The following PDE4D variants were observed in gnomAD, a reference collection of about 807,000 sequenced individuals.
The protein encoded by PDE4D is phosphodiesterase 4D.
In PDE4D, 24 loss-of-function variants were observed where a neutral mutation model predicts 87.4. The ratio of observed to expected loss-of-function variants is 0.27; its 90% confidence interval spans 0.20 to 0.39. The LOEUF (loss-of-function observed/expected upper bound fraction) is 0.39, where lower values mean the gene tolerates loss of function less well. Ranked by LOEUF, PDE4D falls within the 10% of genes least tolerant of loss-of-function variation. The pLI is 1.00. For synonymous variants in PDE4D, 384 were observed against 383.2 expected, an observed-to-expected ratio of 1.00 and a Z score of -0.02; for missense variants, 714 against 1,041.0, an observed-to-expected ratio of 0.69 and a Z score of 4.32.
intron 5 of PDE4D, among the ~76,000 whole-genome samples, chr5:59,098,450 C>A (rs1434449349): frequency 6.6e-6 from 1 of 151,734 alleles, no homozygotes; most frequent in Non-Finnish European, 1.5e-5. Flanking sequence ...TTAATCCCAG[C>A]ACTTTGGGAA....
At chr5:59,825,398 G>A (rs911679531) in intron 1 of PDE4D, among the ~76,000 whole-genome samples, 2 of 152,138 alleles carry the variant, frequency 1.3e-5, no homozygotes, top group Non-Finnish European at 2.9e-5. Context: ...TGCCATGTCT[G>A]CCTTGTTGGT....
chr5:59,242,589 T>C (rs537868912), intron 1 of PDE4D, among the ~76,000 whole-genome samples: 1 of 152,266 alleles, frequency 6.6e-6, no homozygotes, highest in Admixed American at 6.5e-5. Context: ...TCACTTAAAA[T>C]TGTACATTTA....
chr5:59,645,870 G>T (rs567064680), intron 1 of PDE4D, among the ~76,000 whole-genome samples: 1 of 152,142 alleles, frequency 6.6e-6, no homozygotes, highest in African/African-American at 2.4e-5. Context: ...GAAACTTGAT[G>T]TAACTTTTCT....
chr5:60,356,905 T>C (rs920145130), intron 1 of PDE4D, among the ~76,000 whole-genome samples: 8 of 152,316 alleles, frequency 5.3e-5, no homozygotes, highest in African/African-American at 1.9e-4. Context: ...TCTGTAGCTC[T>C]ATTACTGCTA....
chr5:60,333,559 C>G (rs1352611334), intron 1 of PDE4D, among the ~76,000 whole-genome samples: 1 of 152,144 alleles, frequency 6.6e-6, no homozygotes, highest in African/African-American at 2.4e-5. Flanking sequence ...AATATGGTTC[C>G]AACTCTGTGT....
At chr5:59,441,258 T>C (rs772401496) in intron 1 of PDE4D, among the ~76,000 whole-genome samples, 8 of 152,116 alleles carry the variant, frequency 5.3e-5, no homozygotes, top group Non-Finnish European at 1.2e-4. Flanking sequence ...CTGCACAAGC[T>C]AATTTTTTAA....
chr5:59,036,470 T>C (rs536344698), intron 6 of PDE4D, among the ~76,000 whole-genome samples: 8 of 152,188 alleles, frequency 5.3e-5, no homozygotes, highest in Admixed American at 6.5e-5. Flanking sequence ...TGAGTGGAGA[T>C]GATGCAAGCT....
intron 1 of PDE4D, among the ~76,000 whole-genome samples, chr5:59,222,559 C>A (rs1273623888): frequency 6.6e-6 from 1 of 152,172 alleles, no homozygotes; most frequent in Non-Finnish European, 1.5e-5. Flanking sequence ...GAAGGCCACT[C>A]ACAGGGAAGA....
At chr5:59,126,525 C>T (rs915989536) in intron 5 of PDE4D, among the ~76,000 whole-genome samples, 1 of 152,170 alleles carries the variant, frequency 6.6e-6, no homozygotes, top group African/African-American at 2.4e-5. Context: ...GAAAGGAATG[C>T]TGTTCAGGGC....
chr5:59,281,407 G>T (rs1765777083), intron 1 of PDE4D, among the ~76,000 whole-genome samples: 1 of 152,040 alleles, frequency 6.6e-6, no homozygotes, highest in Non-Finnish European at 1.5e-5. Flanking sequence ...TTTCTCCACA[G>T]TTTTAAAGCT....
At chr5:59,141,256 C>T (rs1044730419) in intron 5 of PDE4D, among the ~76,000 whole-genome samples, 5 of 152,176 alleles carry the variant, frequency 3.3e-5, no homozygotes, top group African/African-American at 9.7e-5. Flanking sequence ...TCTTTCTGTT[C>T]TTTATCTGTA....
chr5:59,342,324 T>C (rs1371370551), intron 1 of PDE4D, among the ~76,000 whole-genome samples: 1 of 152,144 alleles, frequency 6.6e-6, no homozygotes, highest in African/African-American at 2.4e-5. Context: ...CTCTGACAAA[T>C]ACCAGAATGC....
At chr5:60,379,051 T>C (rs1357068984) in intron 1 of PDE4D, among the ~76,000 whole-genome samples, 1 of 152,194 alleles carries the variant, frequency 6.6e-6, no homozygotes, top group Non-Finnish European at 1.5e-5. Context: ...ATGGTTACCC[T>C]GCCTTGGACA....
In PDE4D at chr5:60,268,655, A is replaced by G. The variant is rs376551771; in HGVS notation, c.-89-82968T>C. 5.9e-5 allele frequency among the ~76,000 whole-genome samples: 9 copies of G among 152,322 alleles called. 2 individuals carry two copies. Among genetic ancestry groups the G allele is most frequent in the African/African-American group, 2.2e-4 (9 of 41,576 alleles). On this transcript the variant is annotated intron_variant, in intron 1 of 16. Coordinates refer to the PDE4D transcript ENST00000502484. ...AGGCAGATCCTCTGGGTCCACCATCATCTCTTAAATGAGAGCATTGTGCTT... is the reference window on the plus strand; with the variant it reads ...AGGCAGATCCTCTGGGTCCACCATCGTCTCTTAAATGAGAGCATTGTGCTT...
chr5:59,146,694 A>C (rs761142055), intron 5 of PDE4D, among the ~76,000 whole-genome samples: 18 of 152,156 alleles, frequency 1.2e-4, no homozygotes, highest in Non-Finnish European at 2.4e-4. Flanking sequence ...ATAGGATTAC[A>C]TTGGTAGTAT....
chr5:59,759,295 T>A (rs974398004), intron 1 of PDE4D, among the ~76,000 whole-genome samples: 2 of 152,072 alleles, frequency 1.3e-5, no homozygotes, highest in Non-Finnish European at 2.9e-5. Flanking sequence ...ATTCAAGTTT[T>A]TATTTTCTTC....
intron 3 of PDE4D, among the ~76,000 whole-genome samples, chr5:59,934,662 A>T (rs889008191): frequency 6.6e-6 from 1 of 152,266 alleles, no homozygotes; most frequent in Non-Finnish European, 1.5e-5. Context: ...GCATTATAGC[A>T]GTGCAGAGGA....
At chr5:59,905,178 T>C (rs1004286177) in intron 3 of PDE4D, among the ~76,000 whole-genome samples, 3 of 152,160 alleles carry the variant, frequency 2.0e-5, no homozygotes, top group African/African-American at 7.2e-5. Flanking sequence ...GGCTGAGTAG[T>C]TTTCCCCCTG....
intron 1 of PDE4D, among the ~76,000 whole-genome samples, chr5:59,462,942 A>G (rs1800994347): frequency 6.6e-6 from 1 of 152,084 alleles, no homozygotes; most frequent in Admixed American, 6.6e-5. Flanking sequence ...TTTTATCATT[A>G]AGTATTTATT....
Sources: gnomAD v4.1 joint callset for allele counts (sites outside exome capture counted in the v4.1 genomes callset) on GRCh38, gnomAD v4.1.1 for gene constraint, MANE v1.5 for transcripts, NCBI Gene and HGNC (gene_info 2026-07-23, HGNC 2026-07-21) for gene names.